Variants in SDK1 observed in about 807,000 individuals in gnomAD.
The protein encoded by SDK1 is protein sidekick-1.
A neutral mutation model predicts 245.5 loss-of-function variants in SDK1; 157 were observed. The observed-to-expected ratio is 0.64, with a 90% confidence interval of 0.56 to 0.73. The LOEUF (loss-of-function observed/expected upper bound fraction) is 0.73, where lower values mean the gene tolerates loss of function less well. SDK1 is among the 30% of genes least tolerant of loss of function. SDK1 has a pLI of 0.00. For missense variants in SDK1, 3,583 were observed against 3,002.3 expected (o/e 1.19, Z -4.52); for synonymous variants, 1,647 against 1,278.5 (o/e 1.29, Z -6.15).
intron 4 of SDK1, among the ~76,000 whole-genome samples, chr7:3,799,009 A>G (rs563898580): frequency 1.3e-5 from 2 of 152,238 alleles, no homozygotes; most frequent in South Asian, 4.2e-4. Context: ...ATTAATTTGA[A>G]TTCTCCTGCA....
intron 4 of SDK1, among the ~76,000 whole-genome samples, chr7:3,667,036 C>A (rs1325852781): frequency 6.6e-6 from 1 of 151,952 alleles, no homozygotes; most frequent in Non-Finnish European, 1.5e-5. Flanking sequence ...ATGCTAAGGA[C>A]TTGTTCTTTC....
chr7:3,742,356 A>G (rs1468100005), intron 4 of SDK1, among the ~76,000 whole-genome samples: 1 of 152,136 alleles, frequency 6.6e-6, no homozygotes, highest in Non-Finnish European at 1.5e-5. Flanking sequence ...CCTGAAACAT[A>G]AAATTTTCCT....
At position 3,655,501 on chromosome 7, in the gene SDK1, A is replaced by ATG. The variant is rs1554303531; in HGVS notation, c.713+13397_713+13398insGT. On this transcript the variant is annotated intron_variant, in intron 4 of 44. Transcript: ENST00000404826. Reference sequence around the variant, plus strand: ...TATATATATATATATATATATATATATATGTATGTATGTATATAAAATGTG... The same window carrying ATG: ...TATATATATATATATATATATATATATGTATGTATGTATGTATATAAAATGTG... Among the ~76,000 whole-genome samples the ATG allele has an allele frequency of 4.3e-3, 224 of 52,126 alleles. 1 individual carries two copies. Among genetic ancestry groups the ATG allele is most frequent in the East Asian group, 5.8e-3 (7 of 1,198 alleles). The allele number at this position is 52,126 out of a possible 152,430, so 34.2% of individuals were successfully genotyped here. A position where few individuals can be genotyped will look rare whatever the true frequency, so the allele number is the denominator to read the frequency against.
At chr7:3,601,366 G>A (rs1190321269) in intron 1 of SDK1, among the ~76,000 whole-genome samples, 1 of 152,024 alleles carries the variant, frequency 6.6e-6, no homozygotes, top group Non-Finnish European at 1.5e-5. Flanking sequence ...TTATTGAGAA[G>A]CTTTTAAATT....
At chr7:3,315,858 G>A (rs1562408321) in intron 1 of SDK1, among the ~76,000 whole-genome samples, 1 of 152,104 alleles carries the variant, frequency 6.6e-6, no homozygotes, top group Non-Finnish European at 1.5e-5. Flanking sequence ...GAGGGAACTT[G>A]AATTATTGTT....
chr7:4,042,470 G>C (rs1788703911), intron 17 of SDK1, among the ~76,000 whole-genome samples: 1 of 136,776 alleles, frequency 7.3e-6, no homozygotes, highest in Admixed American at 6.8e-5. Flanking sequence ...TTTAGGCTGA[G>C]AGCCAGCTCA....
chr7:3,477,572 T>C (rs1781386874), intron 1 of SDK1, among the ~76,000 whole-genome samples: 1 of 151,154 alleles, frequency 6.6e-6, no homozygotes, highest in Non-Finnish European at 1.5e-5. Context: ...TGGAGTGCAG[T>C]GGTGCAGTCA....
chr7:3,986,775 G>A (rs1783876697), intron 13 of SDK1, among the ~76,000 whole-genome samples: 1 of 152,340 alleles, frequency 6.6e-6, no homozygotes, highest in East Asian at 1.9e-4. Flanking sequence ...GCAGAGAATT[G>A]CTTGAACCCA....
At chr7:3,807,054 G>C (rs966493247) in intron 4 of SDK1, among the ~76,000 whole-genome samples, 2 of 151,986 alleles carry the variant, frequency 1.3e-5, no homozygotes, top group African/African-American at 4.8e-5. Context: ...TCTCATTTTA[G>C]ATATATCCTA....
chr7:4,257,684 G>C (rs1165059176), intron 44 of SDK1, among the ~76,000 whole-genome samples: 1 of 152,132 alleles, frequency 6.6e-6, no homozygotes, highest in Non-Finnish European at 1.5e-5. Flanking sequence ...GGAGCCTCGT[G>C]TCTCTGCTTC....
rs780680343 is a variant in SDK1, at chr7:4,245,823, C to T, written c.6381+18C>T. On this transcript the variant is annotated intron_variant, in intron 44 of 44. Transcript: ENST00000404826. Reference sequence around the variant, plus strand: ...AATCTGAGGTCAGTGTCGGTGCCTACTTCCGGGCAGTGACCATCAGCCCCT... The same window carrying T: ...AATCTGAGGTCAGTGTCGGTGCCTATTTCCGGGCAGTGACCATCAGCCCCT... The T allele has an allele frequency of 6.2e-7, 1 of 1,613,368 alleles. No individual in the cohort carries two copies. Among genetic ancestry groups the T allele is most frequent in the South Asian group, 1.1e-5 (1 of 91,040 alleles).
chr7:3,711,989 G>A (rs919219440), intron 4 of SDK1, among the ~76,000 whole-genome samples: 3 of 152,218 alleles, frequency 2.0e-5, no homozygotes, highest in Non-Finnish European at 4.4e-5. Context: ...CATCTACACA[G>A]TAGGGTTGGT....
chr7:3,558,806 G>T (rs1337085141), intron 1 of SDK1, among the ~76,000 whole-genome samples: 1 of 152,168 alleles, frequency 6.6e-6, no homozygotes, highest in Non-Finnish European at 1.5e-5. Flanking sequence ...CTAATGACAA[G>T]GCAGTCTATA....
At chr7:3,440,315 C>T (rs1780158000) in intron 1 of SDK1, among the ~76,000 whole-genome samples, 1 of 152,170 alleles carries the variant, frequency 6.6e-6, no homozygotes, top group Admixed American at 6.5e-5. Context: ...GTTCAGGTTG[C>T]TCAGTGCAAG....
intron 22 of SDK1, among the ~76,000 whole-genome samples, chr7:4,088,197 G>C (rs1318606735): frequency 2.0e-5 from 3 of 152,026 alleles, no homozygotes; most frequent in Non-Finnish European, 4.4e-5. Flanking sequence ...AGAAACTTTG[G>C]GAATTCTCTT....
chr7:3,301,861 A>T lies in SDK1; in HGVS notation c.275A>T (p.His92Leu). ...GWWALLALQLHLLRALAQDDV... is the reference protein window; with the variant it reads ...GWWALLALQLLLLRALAQDDV... ...TGGGCGCTGCTGGCGCTGCAGCTGCACTTGCTCCGGGCGCTGGCGCAAGGT... is the reference window on the plus strand; with the variant it reads ...TGGGCGCTGCTGGCGCTGCAGCTGCTCTTGCTCCGGGCGCTGGCGCAAGGT... The change falls in exon 1 of 45, where the codon CAC becomes CTC. Residue 92 changes from histidine (H) to leucine (L), a missense_variant. His to Leu is a moderately conservative substitution (Grantham distance 99). Transcript: ENST00000404826. The T allele has an allele frequency of 1.8e-6, 2 of 1,134,506 alleles. No individual in the cohort carries two copies. Among genetic ancestry groups the T allele is most frequent in the Non-Finnish European group, 1.1e-6 (1 of 926,502 alleles). 70.3% of individuals were successfully genotyped at this position (1,134,506 alleles called of 1,614,324 possible).
At chr7:3,617,175 C>A (rs1781797798) in intron 1 of SDK1, among the ~76,000 whole-genome samples, 1 of 152,094 alleles carries the variant, frequency 6.6e-6, no homozygotes, top group East Asian at 1.9e-4. Context: ...TGGTTTCCAG[C>A]ACAAAGTAAA....
intron 17 of SDK1, among the ~76,000 whole-genome samples, chr7:4,022,776 CTT>C (rs770558246): frequency 1.6e-4 from 22 of 138,098 alleles, no homozygotes; most frequent in Non-Finnish European, 1.7e-4. Flanking sequence ...TTCTTTCTTT[CTT>C]TTTTTTTTTT....
At chr7:3,516,452 A>G (rs996625689) in intron 1 of SDK1, among the ~76,000 whole-genome samples, 1 of 152,170 alleles carries the variant, frequency 6.6e-6, no homozygotes, top group Middle Eastern at 3.2e-3. Context: ...TATTGAAAGT[A>G]TAGGTAATTT....
Sources: gnomAD v4.1 joint callset for allele counts (sites outside exome capture counted in the v4.1 genomes callset) on GRCh38, gnomAD v4.1.1 for gene constraint, MANE v1.5 for transcripts, NCBI Gene and HGNC (gene_info 2026-07-23, HGNC 2026-07-21) for gene names.